SEMA5A: variants seen among roughly 807,000 people sequenced by gnomAD.
SEMA5A encodes the protein semaphorin-5A.
In SEMA5A, 55 loss-of-function variants were observed where a neutral mutation model predicts 135.5. That is an observed-to-expected ratio of 0.41 (90% CI 0.33 to 0.51). The LOEUF is 0.51. SEMA5A is among the 20% of genes least tolerant of loss of function. SEMA5A has a pLI of 0.37. For missense variants in SEMA5A, 1,290 were observed against 1,419.9 expected (o/e 0.91, Z 1.47); for synonymous variants, 580 against 546.5 (o/e 1.06, Z -0.85).
intron 5 of SEMA5A, among the ~76,000 whole-genome samples, chr5:9,274,795 C>T (rs189067004): frequency 1.3e-5 from 2 of 152,230 alleles, no homozygotes; most frequent in Admixed American, 1.3e-4. Context: ...AGAACAAAGA[C>T]ACAATGTACC....
chr5:9,348,207 T>C (rs1753961489), intron 3 of SEMA5A, among the ~76,000 whole-genome samples: 1 of 152,214 alleles, frequency 6.6e-6, no homozygotes, highest in Admixed American at 6.5e-5. Flanking sequence ...TGTTTATAAC[T>C]TTCAAGATCT....
chr5:9,358,163 AC>A (rs1250452537), intron 3 of SEMA5A, among the ~76,000 whole-genome samples: 1 of 152,010 alleles, frequency 6.6e-6, no homozygotes, highest in Non-Finnish European at 1.5e-5. Flanking sequence ...CTGGTTGTCC[AC>A]CTATGCCAAG....
chr5:9,108,183 C>A lies in SEMA5A; in HGVS notation c.2030G>T (p.Arg677Leu), dbSNP rs144597943. 2 of 1,613,984 alleles carry A rather than the reference C, an allele frequency of 1.2e-6. No homozygotes were observed. The highest frequency in any genetic ancestry group is 1.1e-5 in the South Asian group (1 of 91,064). The change falls in exon 16 of 23, where the codon CGC becomes CTC. Residue 677 changes from arginine to leucine, a missense_variant. By Grantham distance (102) the Arg-to-Leu change is moderately radical (BLOSUM62 -2). Around this residue, in one of 3 missense-constraint regions of SEMA5A, gnomAD observed 1,029 missense variants for 1,086.6 expected, o/e 0.95. Transcript: ENST00000382496. The stretch of plus-strand genomic sequence containing the variant: ...GTCAGGCCCATTCTCACAGATCCTG[C>A]GGCGAGCTTGAATGCCACCCCCGCA... ...AQCGGGIQAR[R>L]RICENGPDCA... is the part of the protein sequence containing the mutation.
chr5:9,044,322 C>CAAGTGTT, intron 22 of SEMA5A, 51 bp downstream of exon 22: 1 of 1,467,044 alleles, frequency 6.8e-7, no homozygotes, highest in South Asian at 1.1e-5. Flanking sequence ...ATACTCCCTA[C>CAAGTGTT]AAGTGTTAAG....
rs1486136307 is a variant in SEMA5A at position 9,044,537 on chromosome 5, G to A, written c.2941C>T (p.Leu981Phe). The A allele has an allele frequency of 6.2e-7, 1 of 1,614,040 alleles. No individual in the cohort carries two copies. The highest frequency in any genetic ancestry group is 1.1e-5 in the South Asian group (1 of 91,060). Residue 981 changes from leucine to phenylalanine, a missense_variant, in exon 22 of 23, where the codon CTC becomes TTC. Coordinates refer to ENST00000382496, the MANE Select transcript of SEMA5A (RefSeq NM_003966.3). ...MIAVGLSSSI[L>F]GCLLTLLVYT... ...ACGAGCAGGGTGAGGAGGCAGCCGA[G>A]GATGGAGCTGCTCAGCCCCACGGCG... is the stretch of plus-strand genomic sequence containing the variant.
chr5:9,515,093 T>C (rs1318491627), intron 1 of SEMA5A, among the ~76,000 whole-genome samples: 1 of 152,198 alleles, frequency 6.6e-6, no homozygotes, highest in East Asian at 1.9e-4. Context: ...CTAAGCATGC[T>C]CAAAACATTC....
chr5:9,522,239 C>T (rs1028088859), intron 1 of SEMA5A, among the ~76,000 whole-genome samples: 4 of 152,210 alleles, frequency 2.6e-5, no homozygotes, highest in Admixed American at 1.3e-4. Flanking sequence ...TCAGCCTGCA[C>T]GTACGAGACA....
chr5:9,050,183 C>T (rs1401752933), intron 21 of SEMA5A, among the ~76,000 whole-genome samples: 1 of 152,114 alleles, frequency 6.6e-6, no homozygotes, highest in Non-Finnish European at 1.5e-5. Flanking sequence ...GTTCCCAGGC[C>T]ATGCCCTGGA....
At chr5:9,147,181 T>G (rs1742384036) in intron 12 of SEMA5A, among the ~76,000 whole-genome samples, 1 of 152,356 alleles carries the variant, frequency 6.6e-6, no homozygotes, top group Admixed American at 6.5e-5. Context: ...TACTAATTTT[T>G]TGATGAGGTG....
At chr5:9,226,774 T>C in intron 7 of SEMA5A, 95 bp downstream of exon 7, 2 of 914,574 alleles carry the variant, frequency 2.2e-6, no homozygotes, top group Non-Finnish European at 3.5e-6. Context: ...CAGCAACACC[T>C]TGGTGTATAG....
chr5:9,480,558 A>G (rs917782849), intron 1 of SEMA5A, among the ~76,000 whole-genome samples: 6 of 152,216 alleles, frequency 3.9e-5, no homozygotes, highest in Admixed American at 1.3e-4. Flanking sequence ...CTTTGTGAGT[A>G]TGAATACGCC....
At chr5:9,308,135 C>A (rs1247086943) in intron 5 of SEMA5A, among the ~76,000 whole-genome samples, 1 of 152,142 alleles carries the variant, frequency 6.6e-6, no homozygotes, top group Non-Finnish European at 1.5e-5. Context: ...AGTAAGATAC[C>A]TAAAAGTATT....
intron 1 of SEMA5A, among the ~76,000 whole-genome samples, chr5:9,519,583 CT>C (rs768833707): frequency 6.6e-6 from 1 of 152,220 alleles, no homozygotes; most frequent in Non-Finnish European, 1.5e-5. Context: ...TCTTTTACAG[CT>C]TGCCACTGAG....
chr5:9,115,007 G>A (rs1242120738), intron 15 of SEMA5A, among the ~76,000 whole-genome samples: 5 of 152,166 alleles, frequency 3.3e-5, no homozygotes, highest in Non-Finnish European at 7.4e-5. Flanking sequence ...TGAGCTGGAG[G>A]GTGTTGTCTC....
At chr5:9,234,534 C>T (rs187578) in intron 6 of SEMA5A, among the ~76,000 whole-genome samples, 30,932 of 152,116 alleles carry the variant, frequency 0.2, 3,675 homozygotes, top group African/African-American at 0.34. Context: ...ATGCACACAG[C>T]TCTGCTACAT....
At chr5:9,435,387 A>G (rs904958337) in intron 2 of SEMA5A, among the ~76,000 whole-genome samples, 14 of 152,228 alleles carry the variant, frequency 9.2e-5, no homozygotes, top group Admixed American at 8.5e-4. Context: ...AATATTTACC[A>G]GGCCCTAATT....
At position 9,036,295 on chromosome 5, in the gene SEMA5A, T is replaced by C. The variant is rs1288153560; in HGVS notation, c.*6602A>G. The C allele has an allele frequency of 6.6e-6, 1 of 152,220 alleles. No homozygotes were observed. Among genetic ancestry groups the C allele is most frequent in the Non-Finnish European group, 1.5e-5 (1 of 68,034 alleles). The allele number at this position is 152,220 out of a possible 1,614,324, so 9.4% of individuals were successfully genotyped here. ...AAACAATCAACTTCAGCAGAGATAA[T>C]ACTATTACTTTTCTTAACCCAAATT... On this transcript the variant is annotated 3_prime_UTR_variant, in exon 23 of 23. Transcript: ENST00000382496.
chr5:9,155,754 AG>A (rs1742920113), intron 11 of SEMA5A, among the ~76,000 whole-genome samples: 2 of 152,240 alleles, frequency 1.3e-5, no homozygotes, highest in African/African-American at 2.4e-5. Context: ...TCATTGCAAA[AG>A]ACCTTGGATA....
chr5:9,298,183 T>TGACTA (rs112606421), intron 5 of SEMA5A, among the ~76,000 whole-genome samples: 21,253 of 152,052 alleles, frequency 0.14, 1,565 homozygotes, highest in South Asian at 0.19. Flanking sequence ...ATAATCCATA[T>TGACTA]GTGTCCTATG....
Sources: gnomAD v4.1 joint callset for allele counts (sites outside exome capture counted in the v4.1 genomes callset) on GRCh38, gnomAD v4.1.1 for gene constraint, gnomAD v4.1.1 regional missense constraint, MANE v1.5 for transcripts, NCBI Gene and HGNC (gene_info 2026-07-23, HGNC 2026-07-21) for gene names.